GRIK2: variants seen among roughly 807,000 people sequenced by gnomAD.
GRIK2 encodes glutamate receptor ionotropic, kainate 2.
Under a neutral mutation model 100.3 loss-of-function variants are expected in GRIK2, and 32 were observed. The observed-to-expected ratio is 0.32, with a 90% CI of 0.24 to 0.43. The LOEUF is 0.43. Among genes scored for constraint, GRIK2 ranks in the 20% least tolerant of loss-of-function variants. The probability of loss-of-function intolerance (pLI) is 1.00; values close to 1 mark genes in which losing one functional copy is unlikely to be tolerated. For missense variants in GRIK2, 843 were observed against 1,114.9 expected (o/e 0.76, Z 3.47); for synonymous variants, 417 against 389.4 (o/e 1.07, Z -0.83).
intron 14 of GRIK2, among the ~76,000 whole-genome samples, chr6:101,968,528 C>T (rs371961005): frequency 2.6e-5 from 4 of 151,932 alleles, no homozygotes; most frequent in African/African-American, 7.2e-5. Context: ...AGACAATCCC[C>T]GGAGAGTATG....
chr6:101,635,332 A>T (rs182067509), intron 4 of GRIK2, among the ~76,000 whole-genome samples: 2 of 152,034 alleles, frequency 1.3e-5, no homozygotes, highest in African/African-American at 2.4e-5. Flanking sequence ...AATCATAAAA[A>T]TTTTTTTAGA....
chr6:101,707,606 G>GTATATATATATATATATATATA (rs201561174), intron 7 of GRIK2, among the ~76,000 whole-genome samples: 1 of 122,854 alleles, frequency 8.1e-6, no homozygotes, highest in African/African-American at 3.6e-5. Context: ...ATATATGTGT[G>GTATATATATATATATATATATA]TATATATATA....
intron 7 of GRIK2, among the ~76,000 whole-genome samples, chr6:101,790,129 A>G (rs1404426748): frequency 1.3e-5 from 2 of 152,312 alleles, no homozygotes; most frequent in Admixed American, 6.5e-5. Flanking sequence ...GGTTTTCTAG[A>G]TATACAATCA....
At chr6:101,542,727 T>C (rs115487986) in intron 2 of GRIK2, among the ~76,000 whole-genome samples, 1 of 152,146 alleles carries the variant, frequency 6.6e-6, no homozygotes, top group Non-Finnish European at 1.5e-5. Context: ...TATATAACTA[T>C]GAGCGTGTAA....
intron 14 of GRIK2, among the ~76,000 whole-genome samples, chr6:101,987,246 A>AT (rs1387123215): frequency 9.9e-5 from 15 of 151,822 alleles, no homozygotes; most frequent in Non-Finnish European, 1.6e-4. Context: ...TTTGGGAACA[A>AT]TTTTTTGTGT....
chr6:101,914,662 C>A (rs889409541), intron 12 of GRIK2, among the ~76,000 whole-genome samples: 2 of 151,354 alleles, frequency 1.3e-5, no homozygotes, highest in Non-Finnish European at 3.0e-5. Flanking sequence ...TAATTGGAAA[C>A]CTTTTGGCAT....
intron 10 of GRIK2, among the ~76,000 whole-genome samples, chr6:101,834,461 T>G (rs1782932036): frequency 6.6e-6 from 1 of 152,126 alleles, no homozygotes; most frequent in South Asian, 2.1e-4. Context: ...TTTAATCACT[T>G]AGTGGTAAGT....
At chr6:101,866,222 T>G (rs1016696985) in intron 11 of GRIK2, among the ~76,000 whole-genome samples, 2 of 152,202 alleles carry the variant, frequency 1.3e-5, no homozygotes, top group Non-Finnish European at 2.9e-5. Context: ...TACATTTTCC[T>G]CATCCCTCTC....
chr6:101,907,309 A>G (rs184123566), intron 12 of GRIK2, among the ~76,000 whole-genome samples: 1 of 151,796 alleles, frequency 6.6e-6, no homozygotes, highest in East Asian at 1.9e-4. Flanking sequence ...AGGGAAACTT[A>G]ATTGTGTGAT....
At chr6:101,866,892 T>A (rs944916582) in intron 11 of GRIK2, among the ~76,000 whole-genome samples, 2 of 150,928 alleles carry the variant, frequency 1.3e-5, no homozygotes, top group Admixed American at 1.3e-4. Flanking sequence ...CTTTATCTCT[T>A]AATTTCATTG....
intron 2 of GRIK2, among the ~76,000 whole-genome samples, chr6:101,490,693 T>C (rs1245537926): frequency 6.8e-6 from 1 of 146,610 alleles, no homozygotes; most frequent in African/African-American, 2.6e-5. Flanking sequence ...TTACTAGAAG[T>C]ACTTCTCCCT....
At chr6:101,718,637 C>T (rs762762111) in intron 7 of GRIK2, among the ~76,000 whole-genome samples, 6 of 151,896 alleles carry the variant, frequency 4.0e-5, no homozygotes, top group African/African-American at 9.7e-5. Context: ...GAAAAATCTT[C>T]GAGAGATCAT....
At chr6:101,443,199 G>A (rs1450593266) in intron 2 of GRIK2, among the ~76,000 whole-genome samples, 1 of 152,012 alleles carries the variant, frequency 6.6e-6, no homozygotes, top group Non-Finnish European at 1.5e-5. Flanking sequence ...AAGGAACAAG[G>A]GGAGCTAATA....
rs1481185552 is a variant in GRIK2, at chr6:101,918,696, G to A, written c.1749-5905G>A. On this transcript the variant is annotated intron_variant, in intron 12 of 16. Transcript: ENST00000369134. ...TCACCACATACAAAGTATGTATTTG[G>A]CTGGAATTCAAACCTTCCAGTCTCA... Among the ~76,000 whole-genome samples the A allele has an allele frequency of 2.6e-5, 4 of 151,598 alleles. No individual in the cohort carries two copies. The South Asian group carries it at 8.3e-4, about 31-fold the overall frequency.
In GRIK2 at chr6:102,000,120, G is replaced by A. The variant is rs891427623; in HGVS notation, c.2086-35221G>A. Among the ~76,000 whole-genome samples, 5 of 151,748 alleles carry A rather than the reference G, an allele frequency of 3.3e-5. No individual in the cohort carries two copies. In the South Asian group the frequency reaches 1.0e-3, roughly 32 times the overall value. On this transcript the variant is annotated intron_variant, in intron 14 of 16. Transcript: ENST00000369134. ...GGTCTAAAGTTTGCTTCTGTTGTTT[G>A]CTAGTTCTGTTTTCGGTTATGTTTG...
At position 101,859,269 on chromosome 6, in the gene GRIK2, C is replaced by A. The variant is rs770421674; in HGVS notation, c.1318-18C>A. ...ATGATTAACTGTTACCTCTTTTCTTCTTTTTCAATGTTTTCAGGAAGAGCC... is the reference window on the plus strand; with the variant it reads ...ATGATTAACTGTTACCTCTTTTCTTATTTTTCAATGTTTTCAGGAAGAGCC... On this transcript the variant is annotated intron_variant, in intron 10 of 16. Transcript: ENST00000369134. The A allele has an allele frequency of 5.1e-6, 7 of 1,376,834 alleles. No homozygotes were observed. The highest frequency in any genetic ancestry group is 1.7e-5 in the Admixed American group (1 of 59,024). The allele number at this position is 1,376,834 out of a possible 1,614,324, so 85.3% of individuals were successfully genotyped here.
intron 15 of GRIK2, among the ~76,000 whole-genome samples, chr6:102,039,340 C>T (rs547106568): frequency 6.6e-6 from 1 of 151,514 alleles, no homozygotes; most frequent in South Asian, 2.1e-4. Context: ...CATAGTTTTC[C>T]TGACTGCAGC....
intron 12 of GRIK2, among the ~76,000 whole-genome samples, chr6:101,913,286 T>C (rs1788876886): frequency 6.6e-6 from 1 of 151,630 alleles, no homozygotes; most frequent in African/African-American, 2.4e-5. Context: ...AACTCCTGTG[T>C]GCAATTTATT....
intron 7 of GRIK2, among the ~76,000 whole-genome samples, chr6:101,718,284 T>C (rs1774208450): frequency 6.6e-6 from 1 of 151,848 alleles, no homozygotes; most frequent in Non-Finnish European, 1.5e-5. Context: ...AGGGAGAATC[T>C]TTGTAGCAAA....
Sources: gnomAD v4.1 joint callset for allele counts (sites outside exome capture counted in the v4.1 genomes callset) on GRCh38, gnomAD v4.1.1 for gene constraint, MANE v1.5 for transcripts, NCBI Gene and HGNC (gene_info 2026-07-23, HGNC 2026-07-21) for gene names.